The following JPT2 variants were observed in gnomAD, a reference collection of about 807,000 sequenced individuals.
JPT2 encodes CRAMP_1 like.
Under a neutral mutation model 15.9 loss-of-function variants are expected in JPT2, and 9 were observed. That is an observed-to-expected ratio of 0.57 (90% CI 0.34 to 0.99). The LOEUF is 0.99. Ranked by LOEUF, JPT2 falls within the 50% of genes least tolerant of loss-of-function variation. The probability of loss-of-function intolerance (pLI) is 0.02; values close to 1 mark genes in which losing one functional copy is unlikely to be tolerated. For synonymous variants in JPT2, 95 were observed against 91.7 expected, an observed-to-expected ratio of 1.04 and a Z score of -0.21; for missense variants, 267 against 252.1, an observed-to-expected ratio of 1.06 and a Z score of -0.40.
chr16:1,691,800 G>A (rs370960428), intron 2 of JPT2, 43 bp from the exon 3 acceptor site: 51 of 1,589,480 alleles, frequency 3.2e-5, no homozygotes, highest in Admixed American at 1.4e-4. Flanking sequence ...GGTGGGGTCC[G>A]GTGGACGTCT....
At chr16:1,679,780 G>T (rs564108829) in intron 1 of JPT2, among the ~76,000 whole-genome samples, 1 of 151,894 alleles carries the variant, frequency 6.6e-6, no homozygotes, top group Non-Finnish European at 1.5e-5. Flanking sequence ...CCGTGGCAGG[G>T]TGCAGTGACT....
chr16:1,684,058 A>G (rs1219380755), intron 1 of JPT2, among the ~76,000 whole-genome samples: 3 of 152,234 alleles, frequency 2.0e-5, no homozygotes, highest in East Asian at 1.9e-4. Flanking sequence ...TACTATGCAC[A>G]TAGTTGTTAC....
intron 1 of JPT2, among the ~76,000 whole-genome samples, chr16:1,681,122 T>A (rs887275231): frequency 6.6e-6 from 1 of 152,226 alleles, no homozygotes; most frequent in Non-Finnish European, 1.5e-5. Flanking sequence ...AGCTCTAGCG[T>A]TCCCCCTCCC....
intron 2 of JPT2, among the ~76,000 whole-genome samples, chr16:1,691,346 C>T (rs1567470779): frequency 1.3e-5 from 2 of 152,136 alleles, no homozygotes; most frequent in Admixed American, 6.5e-5. Flanking sequence ...ACTGGAAGTA[C>T]CAGCCAGAAT....
chr16:1,693,489 C>G (rs2037118697), intron 3 of JPT2, among the ~76,000 whole-genome samples: 2 of 152,140 alleles, frequency 1.3e-5, no homozygotes, highest in South Asian at 4.1e-4. Flanking sequence ...CCAGAAATGT[C>G]CCAAAAGTCA....
At chr16:1,692,281 G>A (rs557063454) in intron 3 of JPT2, 56 of 396,040 alleles carry the variant, frequency 1.4e-4, no homozygotes, top group African/African-American at 8.7e-4. Context: ...GCGGAGAAGC[G>A]GTGGGGAGCG....
intron 3 of JPT2, among the ~76,000 whole-genome samples, chr16:1,693,863 GC>G (rs933136286): frequency 1.3e-5 from 2 of 151,876 alleles, no homozygotes; most frequent in African/African-American, 4.8e-5. Context: ...CAGCCATGGG[GC>G]CAGAGATGGG....
intron 3 of JPT2, 78 bp downstream of exon 3, chr16:1,692,063 G>A (rs1429132804): frequency 6.5e-7 from 1 of 1,550,146 alleles, no homozygotes; most frequent in African/African-American, 1.4e-5. Flanking sequence ...CAAGGCAGAT[G>A]CGACATGTTT....
intron 1 of JPT2, chr16:1,680,613 T>A: frequency 1.4e-6 from 1 of 701,570 alleles, no homozygotes; most frequent in Non-Finnish European, 1.8e-6. Flanking sequence ...AGTTTTGCTG[T>A]GAAGCGAGTC....
chr16:1,683,739 C>T (rs1239632265), intron 1 of JPT2: 5 of 615,254 alleles, frequency 8.1e-6, no homozygotes, highest in Non-Finnish European at 8.5e-6. Context: ...GCCCTCAGCG[C>T]TCTTTCTAGA....
chr16:1,691,730 G>C, intron 2 of JPT2, 113 bp from the exon 3 acceptor site: 1 of 1,301,502 alleles, frequency 7.7e-7, no homozygotes, highest in Non-Finnish European at 1.0e-6. Context: ...CTGGAGCTCA[G>C]GGCTGGCACT....
chr16:1,685,540 G>A lies in JPT2; in HGVS notation c.146G>A (p.Gly49Glu), dbSNP rs753528213. ...AATAGGATGGCATCTAATATTTTTG[G>A]ACCAACAGAAGAACCTCAGAACATA... is the stretch of plus-strand genomic sequence containing the variant. ...RPNRMASNIF[G>E]PTEEPQNIPK... The change falls in exon 2 of 5, where the codon GGA becomes GAA. Residue 49 changes from glycine (G) to glutamate (E), a missense_variant. Physicochemically the swap from Gly to Glu is moderately conservative, Grantham distance 98. Transcript: ENST00000248098. 5 of 1,614,100 alleles carry A rather than the reference G, an allele frequency of 3.1e-6. No homozygotes were observed. In the South Asian group the frequency reaches 3.3e-5, roughly 11 times the overall value.
At chr16:1,679,956 G>A (rs552482967) in intron 1 of JPT2, among the ~76,000 whole-genome samples, 1 of 152,108 alleles carries the variant, frequency 6.6e-6, no homozygotes, top group South Asian at 2.1e-4. Context: ...TTCCTTGAGA[G>A]GCTGAGGCAG....
At chr16:1,695,285 A>G (rs921145485) in intron 3 of JPT2, among the ~76,000 whole-genome samples, 4 of 151,974 alleles carry the variant, frequency 2.6e-5, no homozygotes, top group African/African-American at 9.7e-5. Context: ...CATGCTTGTA[A>G]TCTCAGCTAC....
rs753787716 is a variant in JPT2 at position 1,699,260 on chromosome 16, G to A, written c.*262G>A. On this transcript the variant is annotated 3_prime_UTR_variant, in exon 5 of 5. Transcript: ENST00000248098. ...GTCCAGGTTTGAGAGGAACTGGAAG[G>A]GGGGTGAGGGTGGGGAGGTGGGGCA... 158 of 617,166 alleles carry A rather than the reference G, an allele frequency of 2.6e-4. No individual in the cohort carries two copies. Among genetic ancestry groups the A allele is most frequent in the Non-Finnish European group, 4.2e-5 (14 of 330,816 alleles). The allele number at this position is 617,166 out of a possible 1,614,324, so 38.2% of individuals were successfully genotyped here.
chr16:1,688,497 C>T (rs890925279), intron 2 of JPT2: 2 of 152,212 alleles, frequency 1.3e-5, no homozygotes, highest in African/African-American at 4.8e-5. Flanking sequence ...ACCGGTTTTT[C>T]AGGGCATTGC....
At chr16:1,689,916 T>C (rs2037093166) in intron 2 of JPT2, 1 of 152,314 alleles carries the variant, frequency 6.6e-6, no homozygotes, top group African/African-American at 2.4e-5. Context: ...GGTGTCAAGC[T>C]TGGGGACTGT....
intron 1 of JPT2, chr16:1,683,525 A>G (rs1260348283): frequency 6.5e-7 from 1 of 1,534,604 alleles, no homozygotes; most frequent in African/African-American, 1.4e-5. Flanking sequence ...GCAACTGCTG[A>G]CAGGAAGTTT....
chr16:1,699,738 CT>C lies in JPT2; in HGVS notation c.*742del, dbSNP rs2037168324. On this transcript the variant is annotated 3_prime_UTR_variant, in exon 5 of 5. Coordinates refer to ENST00000248098, the MANE Select transcript of JPT2 (RefSeq NM_144570.3). ...TACATGCCAGTTTTGCTTGTGAATT[CT>C]TGCTTTTTTCCTCTCATCAGCCTTA... The C allele has an allele frequency of 4.3e-6, 1 of 232,612 alleles. No homozygotes were observed. The allele number at this position is 232,612 out of a possible 1,614,324, so 14.4% of individuals were successfully genotyped here. A position where few individuals can be genotyped will look rare whatever the true frequency, so the allele number is the denominator to read the frequency against.
Sources: allele counts gnomAD v4.1 joint callset (sites outside exome capture counted in the v4.1 genomes callset), GRCh38; gene constraint gnomAD v4.1.1; transcripts MANE v1.5; gene names NCBI Gene and HGNC (gene_info 2026-07-23, HGNC 2026-07-21).